The following KDM2A variants were observed in gnomAD, a reference collection of about 807,000 sequenced individuals.
The protein encoded by KDM2A is lysine-specific demethylase 2A.
A neutral mutation model predicts 137.3 loss-of-function variants in KDM2A; 3 were observed. That is an observed-to-expected ratio of 0.02 (90% CI 0.01 to 0.06). The LOEUF (loss-of-function observed/expected upper bound fraction) is 0.06. Ranked by LOEUF, KDM2A falls within the 10% of genes least tolerant of loss-of-function variation. The pLI is 1.00. For missense variants in KDM2A, 738 were observed against 1,510.6 expected, an observed-to-expected ratio of 0.49 and a Z score of 8.48; for synonymous variants, 512 against 541.5, an observed-to-expected ratio of 0.95 and a Z score of 0.76.
rs368182213 is a variant in KDM2A at position 67,201,859 on chromosome 11, G to C, written c.308-5651G>C. ...AGTCCCAACTATTTGGGTGGCTGAGGTGGGAGGATCACTTGAGCCCAGGAA... is the reference window on the plus strand; with the variant it reads ...AGTCCCAACTATTTGGGTGGCTGAGCTGGGAGGATCACTTGAGCCCAGGAA... On this transcript the variant is annotated intron_variant, in intron 5 of 20. Coordinates refer to ENST00000529006, the MANE Select transcript of KDM2A (RefSeq NM_012308.3). 1.4e-4 allele frequency among the ~76,000 whole-genome samples: 21 copies of C among 151,534 alleles called. No homozygotes were observed. In the East Asian group the frequency reaches 3.9e-3, roughly 28 times the overall value.
intron 2 of KDM2A, among the ~76,000 whole-genome samples, chr11:67,166,361 T>G (rs544606203): frequency 1.3e-5 from 2 of 152,052 alleles, no homozygotes; most frequent in East Asian, 3.9e-4. Flanking sequence ...ATTTTCACAT[T>G]TTTTAGTAGA....
In KDM2A at chr11:67,216,302, T is replaced by C. The variant is rs533843705; in HGVS notation, c.687+353T>C. ...TAAATAGTGGAAGGGAACACGAATT[T>C]TGGATAGATTCACTGTGAAATCAGC... On this transcript the variant is annotated intron_variant, in intron 8 of 20. Transcript: ENST00000529006. 5.3e-5 allele frequency among the ~76,000 whole-genome samples: 8 copies of C among 152,300 alleles called. No homozygotes were observed. The South Asian group carries it at 1.5e-3, about 28-fold the overall frequency.
chr11:67,121,556 G>C (rs1034952539), intron 2 of KDM2A, among the ~76,000 whole-genome samples, 198 bp downstream of exon 2: 4 of 152,130 alleles, frequency 2.6e-5, no homozygotes, highest in African/African-American at 9.7e-5. Flanking sequence ...TATTTATCTT[G>C]TTTGGAAATG....
At chr11:67,198,833 C>T (rs1857550237) in intron 5 of KDM2A, among the ~76,000 whole-genome samples, 1 of 151,914 alleles carries the variant, frequency 6.6e-6, no homozygotes, top group Admixed American at 6.6e-5. Flanking sequence ...GGCTGGAATG[C>T]AGTGGCACAA....
intron 5 of KDM2A, among the ~76,000 whole-genome samples, chr11:67,185,595 C>T (rs528618322): frequency 6.6e-6 from 1 of 151,356 alleles, no homozygotes; most frequent in Non-Finnish European, 1.5e-5. Flanking sequence ...ACACCATTGA[C>T]TCCCTTGCAC....
In KDM2A at chr11:67,240,935, C is replaced by T. The variant is rs79709263; in HGVS notation, c.1480-2074C>T. ...GAACAGCTGCCACCCCCCACACACA[C>T]ACCGACACAGTTTTCCGCCTACCCT... On this transcript the variant is annotated intron_variant, in intron 12 of 20. Coordinates refer to ENST00000529006, the MANE Select transcript of KDM2A (RefSeq NM_012308.3). Among the ~76,000 whole-genome samples, 662 of 152,340 alleles carry T rather than the reference C, an allele frequency of 4.3e-3. 8 individuals are homozygous for T. The highest frequency in any genetic ancestry group is 0.034 in the Middle Eastern group (10 of 294).
In KDM2A at chr11:67,255,049, C is replaced by A. The variant is rs1379402669; in HGVS notation, c.3483C>A (p.Ile1161=). The part of the protein sequence containing the change: ...CLSDEKLIQK[I]S ...CTGACGAGAAGCTGATACAGAAGAT[C>A]AGCTAAGACACACCCAGCCCAGATT... is the stretch of plus-strand genomic sequence containing the variant. Residue 1161 remains isoleucine (I), a synonymous_variant, in exon 21 of 21, where the codon ATC becomes ATA. Transcript: ENST00000529006. 4 of 1,608,746 alleles carry A rather than the reference C, an allele frequency of 2.5e-6. No individual in the cohort carries two copies. The highest frequency in any genetic ancestry group is 3.4e-6 in the Non-Finnish European group (4 of 1,177,640).
intron 2 of KDM2A, among the ~76,000 whole-genome samples, chr11:67,173,931 T>G (rs1856926624): frequency 6.6e-6 from 1 of 152,190 alleles, no homozygotes; most frequent in Non-Finnish European, 1.5e-5. Context: ...AGGCTGGTCT[T>G]GAGCTCCTGG....
chr11:67,123,819 G>A (rs562757533), intron 2 of KDM2A, among the ~76,000 whole-genome samples: 65 of 152,168 alleles, frequency 4.3e-4, no homozygotes, highest in Non-Finnish European at 6.5e-4. Context: ...TGAGATTACA[G>A]GTGCCTACCA....
At position 67,250,676 on chromosome 11, in the gene KDM2A, C is replaced by A. The variant is rs1283668299; in HGVS notation, c.2646C>A (p.Gly882=). ...GTGCAGCCAGGCTGAATGGCCGGGG[C>A]AGTTGGGCTCAGGATGGAGACGAAA... ...EGGAARLNGR[G]SWAQDGDESW... The change falls in exon 17 of 21, where the codon GGC becomes GGA. Residue 882 remains glycine, a synonymous_variant. Coordinates refer to ENST00000529006, the MANE Select transcript of KDM2A (RefSeq NM_012308.3). This position sits in a 1 kb window ranked among gnomAD's most constrained non-coding sequence, Gnocchi z 7.1. 7 of 1,602,928 alleles carry A rather than the reference C, an allele frequency of 4.4e-6. No homozygotes were observed. The highest frequency in any genetic ancestry group is 6.0e-6 in the Non-Finnish European group (7 of 1,173,334).
At chr11:67,215,234 GTT>G in intron 6 of KDM2A, 104 bp from the exon 7 acceptor site, 2 of 636,718 alleles carry the variant, frequency 3.1e-6, no homozygotes, top group Non-Finnish European at 5.3e-6. Context: ...TTAAATTATA[GTT>G]TTTTGTTATG....
intron 2 of KDM2A, among the ~76,000 whole-genome samples, chr11:67,150,403 A>C (rs1380430072): frequency 6.6e-6 from 1 of 152,210 alleles, no homozygotes; most frequent in African/African-American, 2.4e-5. Flanking sequence ...GAGTAATTGA[A>C]ACTGCTTTCT....
At chr11:67,225,732 G>T (rs941917838) in intron 10 of KDM2A, among the ~76,000 whole-genome samples, 35 of 151,162 alleles carry the variant, frequency 2.3e-4, no homozygotes, top group Non-Finnish European at 7.4e-5. Flanking sequence ...TCACACCACT[G>T]GACTCTAGCC....
At chr11:67,235,029 C>T (rs1326345475) in intron 12 of KDM2A, among the ~76,000 whole-genome samples, 2 of 150,880 alleles carry the variant, frequency 1.3e-5, no homozygotes, top group Non-Finnish European at 2.9e-5. Context: ...CCTGTATTCC[C>T]AGCTACTTGG....
intron 12 of KDM2A, among the ~76,000 whole-genome samples, chr11:67,235,453 C>T (rs1481051736): frequency 2.0e-5 from 3 of 151,378 alleles, no homozygotes; most frequent in Admixed American, 2.0e-4. Flanking sequence ...TACAGGCATG[C>T]ACCACCACCC....
chr11:67,129,012 G>A (rs1405834570), intron 2 of KDM2A, among the ~76,000 whole-genome samples: 4 of 152,148 alleles, frequency 2.6e-5, no homozygotes, highest in Non-Finnish European at 1.5e-5. Context: ...GAGCCCAGGG[G>A]CTTAAGGCTG....
intron 5 of KDM2A, among the ~76,000 whole-genome samples, chr11:67,194,437 G>A (rs529059484): frequency 1.5e-4 from 23 of 152,244 alleles, no homozygotes; most frequent in South Asian, 4.1e-4. Context: ...TACTAACAAC[G>A]TGTTCTTTTC....
At chr11:67,135,944 T>C (rs750347782) in intron 2 of KDM2A, among the ~76,000 whole-genome samples, 4 of 152,262 alleles carry the variant, frequency 2.6e-5, no homozygotes, top group Non-Finnish European at 4.4e-5. Flanking sequence ...CATCCTATCA[T>C]ATACTTTCAT....
At position 67,149,983 on chromosome 11, in the gene KDM2A, A is replaced by G. The variant is rs370060433; in HGVS notation, c.42+28625A>G. Among the ~76,000 whole-genome samples, 5 of 152,288 alleles carry G rather than the reference A, an allele frequency of 3.3e-5. No individual in the cohort carries two copies. In the East Asian group the frequency reaches 7.7e-4, roughly 23 times the overall value. On this transcript the variant is annotated intron_variant, in intron 2 of 20. Coordinates refer to ENST00000529006, the MANE Select transcript of KDM2A (RefSeq NM_012308.3). ...GTGACCTGCCCTCCTCAGCCTCCCA[A>G]AGTGCTGGGATTACAGGCGTGAGCC...
Sources: allele counts gnomAD v4.1 joint callset (sites outside exome capture counted in the v4.1 genomes callset), GRCh38; gene constraint gnomAD v4.1.1; non-coding constraint Gnocchi (gnomAD v3.1); transcripts MANE v1.5; gene names NCBI Gene and HGNC (gene_info 2026-07-23, HGNC 2026-07-21).